The following SLC26A7 variants were observed in gnomAD, a reference collection of about 807,000 sequenced individuals.
The protein encoded by SLC26A7 is anion exchange transporter.
In SLC26A7, 59 loss-of-function variants were observed where a neutral mutation model predicts 82.5. The observed-to-expected ratio is 0.72, with a 90% confidence interval of 0.58 to 0.89. SLC26A7 has a LOEUF of 0.89. SLC26A7 is among the 40% of genes least tolerant of loss of function. The probability of loss-of-function intolerance (pLI) is 0.00; values close to 1 mark genes in which losing one functional copy is unlikely to be tolerated. For synonymous variants in SLC26A7, 271 were observed against 274.3 expected (o/e 0.99, Z 0.12); for missense variants, 820 against 793.0 (o/e 1.03, Z -0.41).
chr8:91,340,660 A>G, intron 8 of SLC26A7, 109 bp downstream of exon 8: 1 of 1,307,638 alleles, frequency 7.6e-7, no homozygotes, highest in East Asian at 2.4e-5. Context: ...CTAACTGTAC[A>G]GCAAGAGTGG....
intron 18 of SLC26A7, 47 bp downstream of exon 18, chr8:91,394,086 T>C: frequency 6.3e-7 from 1 of 1,593,930 alleles, no homozygotes; most frequent in Non-Finnish European, 8.6e-7. Context: ...ATATTCAGAA[T>C]ATAGAATCGA....
intron 2 of SLC26A7, among the ~76,000 whole-genome samples, chr8:91,259,650 A>G (rs1347039605): frequency 1.3e-5 from 2 of 152,058 alleles, no homozygotes; most frequent in African/African-American, 4.8e-5. Flanking sequence ...TTAGTATTCT[A>G]AAGGATCATG....
intron 2 of SLC26A7, among the ~76,000 whole-genome samples, chr8:91,268,810 G>A (rs2130730287): frequency 6.6e-6 from 1 of 151,354 alleles, no homozygotes; most frequent in South Asian, 2.1e-4. Flanking sequence ...GAGAAAGTCT[G>A]TTCTGCTTCT....
chr8:91,265,546 T>C (rs1811088132), intron 2 of SLC26A7, among the ~76,000 whole-genome samples: 1 of 151,972 alleles, frequency 6.6e-6, no homozygotes, highest in African/African-American at 2.4e-5. Context: ...CTCACTAGCA[T>C]TTGTTATTGA....
At chr8:91,393,756 A>C in intron 16 of SLC26A7, 41 bp from the exon 17 acceptor site, 1 of 1,599,124 alleles carries the variant, frequency 6.3e-7, no homozygotes, top group Non-Finnish European at 8.6e-7. Context: ...CCTGCTGGCT[A>C]TTCTGAATTA....
chr8:91,329,311 A>G (rs1813015108), intron 5 of SLC26A7, among the ~76,000 whole-genome samples: 1 of 152,076 alleles, frequency 6.6e-6, no homozygotes, highest in Non-Finnish European at 1.5e-5. Flanking sequence ...ATGTATCATG[A>G]GCCTGTTTTA....
In SLC26A7 at chr8:91,296,629, G is replaced by A. The variant is rs74616478; in HGVS notation, c.477+926G>A. On this transcript the variant is annotated intron_variant, in intron 4 of 18. Coordinates refer to ENST00000276609, the MANE Select transcript of SLC26A7 (RefSeq NM_052832.4). ...TGCCTTCTAGCTAGGTGAAACGGCCGAAAGAATTAAGGATGTAAAATGAAA... is the reference window on the plus strand; with the variant it reads ...TGCCTTCTAGCTAGGTGAAACGGCCAAAAGAATTAAGGATGTAAAATGAAA... 1.9e-3 allele frequency among the ~76,000 whole-genome samples: 293 copies of A among 152,216 alleles called. 1 individual carries two copies. Among genetic ancestry groups the A allele is most frequent in the Non-Finnish European group, 3.4e-3 (233 of 68,008 alleles).
intron 6 of SLC26A7, among the ~76,000 whole-genome samples, chr8:91,335,286 G>A (rs541332984): frequency 6.6e-6 from 1 of 151,986 alleles, no homozygotes. Flanking sequence ...GACTATTAAG[G>A]CTACGACTCA....
Position 91,343,413 on chromosome 8 carries a change from G to A in SLC26A7, c.1087G>A (p.Ala363Thr), listed in dbSNP as rs765365401. The A allele has an allele frequency of 6.2e-7, 1 of 1,613,060 alleles. No individual in the cohort carries two copies. The highest frequency in any genetic ancestry group is 1.1e-5 in the South Asian group (1 of 91,048). ...TTCATTTTTCTTCTGCATACCAAGT[G>A]CTGCTGCCATGGGAAGGACGGCTGG... Reference protein sequence around the residue: ...VSSFFFCIPSAAAMGRTAGLY... With the variant: ...VSSFFFCIPSTAAMGRTAGLY... The change falls in exon 9 of 19, where the codon GCT becomes ACT. Residue 363 changes from alanine to threonine, a missense_variant. Coordinates refer to ENST00000276609, the MANE Select transcript of SLC26A7 (RefSeq NM_052832.4).
intron 2 of SLC26A7, among the ~76,000 whole-genome samples, chr8:91,274,916 G>A (rs1811366980): frequency 6.6e-6 from 1 of 152,042 alleles, no homozygotes; most frequent in South Asian, 2.1e-4. Context: ...CTTTTTTAAG[G>A]GCAGTCTCTT....
At chr8:91,341,656 G>T (rs1327872387) in intron 8 of SLC26A7, among the ~76,000 whole-genome samples, 1 of 152,188 alleles carries the variant, frequency 6.6e-6, no homozygotes, top group Non-Finnish European at 1.5e-5. Flanking sequence ...TGCAGACCAT[G>T]TCTTTCTTTT....
chr8:91,384,790 G>T (rs1191267538), intron 15 of SLC26A7, among the ~76,000 whole-genome samples: 1 of 147,226 alleles, frequency 6.8e-6, no homozygotes, highest in Non-Finnish European at 1.5e-5. Context: ...AAGGAAGGAA[G>T]GAAGGAAAGA....
intron 3 of SLC26A7, among the ~76,000 whole-genome samples, chr8:91,291,408 T>A (rs1811864658): frequency 6.6e-6 from 1 of 152,178 alleles, no homozygotes; most frequent in Admixed American, 6.5e-5. Flanking sequence ...TTATAAATTA[T>A]TAAAGCCTAT....
chr8:91,385,173 A>G (rs1814767933), intron 15 of SLC26A7, among the ~76,000 whole-genome samples: 1 of 152,076 alleles, frequency 6.6e-6, no homozygotes, highest in African/African-American at 2.4e-5. Context: ...ATCATTTACC[A>G]CATTCCACAT....
Position 91,340,430 on chromosome 8 carries a change from T to C in SLC26A7, c.905T>C (p.Met302Thr), listed in dbSNP as rs376099807. The C allele has an allele frequency of 2.5e-6, 4 of 1,613,838 alleles. No homozygotes were observed. The African/African-American group carries it at 4.0e-5, about 16-fold the overall frequency. The change falls in exon 8 of 19, where the codon ATG becomes ACG. Residue 302 changes from methionine (M) to threonine (T), a missense_variant. Transcript: ENST00000276609. ...ATTCCCTCACCTAGAGCTCCCCCGA[T>C]GAACATCCTCTCTGCGGTGATCACT... ...QGIPSPRAPPMNILSAVITEA... is the reference protein window; with the variant it reads ...QGIPSPRAPPTNILSAVITEA...
At chr8:91,331,771 G>A (rs926430188) in intron 5 of SLC26A7, among the ~76,000 whole-genome samples, 3 of 151,952 alleles carry the variant, frequency 2.0e-5, no homozygotes, top group African/African-American at 4.8e-5. Context: ...ATACTCACAA[G>A]GGCATGTAAA....
chr8:91,327,497 A>G (rs1586414350), intron 5 of SLC26A7, among the ~76,000 whole-genome samples: 1 of 152,248 alleles, frequency 6.6e-6, no homozygotes, highest in South Asian at 2.1e-4. Flanking sequence ...AAAACAGTCC[A>G]TATTTTTAGA....
chr8:91,232,366 A>C (rs1810321050), intron 2 of SLC26A7, among the ~76,000 whole-genome samples: 1 of 146,468 alleles, frequency 6.8e-6, no homozygotes, highest in African/African-American at 2.8e-5. Flanking sequence ...TGATGAAAAG[A>C]TATCAAGTAT....
Position 91,334,352 on chromosome 8 carries a change from T to A in SLC26A7, c.700T>A (p.Ser234Thr), listed in dbSNP as rs367860020. 8.1e-6 allele frequency: 13 copies of A among 1,613,416 alleles called. No individual in the cohort carries two copies. The African/African-American group carries it at 1.5e-4, about 18-fold the overall frequency. ...TGTGCGACTGGAAGCATTGCTTTTA[T>A]CCTTGCTGAGCATTGTGGTCCTTGT... ...KSVRLEALLL[S>T]LLSIVVLVLV... The change falls in exon 6 of 19, where the codon TCC becomes ACC. Residue 234 changes from serine to threonine, a missense_variant. Ser to Thr is a moderately conservative substitution (Grantham distance 58, BLOSUM62 1). Coordinates refer to ENST00000276609, the MANE Select transcript of SLC26A7 (RefSeq NM_052832.4).
Sources: gnomAD v4.1 joint callset for allele counts (sites outside exome capture counted in the v4.1 genomes callset) on GRCh38, gnomAD v4.1.1 for gene constraint, MANE v1.5 for transcripts, NCBI Gene and HGNC (gene_info 2026-07-23, HGNC 2026-07-21) for gene names.